GRIN2A: variants seen among roughly 807,000 people sequenced by gnomAD.
GRIN2A encodes glutamate receptor ionotropic, NMDA 2A.
Under a neutral mutation model 113.4 loss-of-function variants are expected in GRIN2A, and 22 were observed. The ratio of observed to expected loss-of-function variants is 0.19; its 90% confidence interval spans 0.14 to 0.28. The LOEUF is 0.28. Ranked by LOEUF, GRIN2A falls within the 10% of genes least tolerant of loss-of-function variation. The pLI, the probability that GRIN2A is intolerant of heterozygous loss-of-function variation, is 1.00. For missense variants in GRIN2A, 1,502 were observed against 1,887.0 expected (o/e 0.80, Z 3.78); for synonymous variants, 827 against 738.4 (o/e 1.12, Z -1.94).
At chr16:10,040,535 T>A (rs542030131) in intron 2 of GRIN2A, among the ~76,000 whole-genome samples, 1 of 149,690 alleles carries the variant, frequency 6.7e-6, no homozygotes, top group East Asian at 2.0e-4. Context: ...CACCACATAA[T>A]GCTGCACACT....
intron 4 of GRIN2A, among the ~76,000 whole-genome samples, chr16:9,862,719 G>A (rs888066454): frequency 2.0e-5 from 3 of 152,148 alleles, no homozygotes. Flanking sequence ...TAGCTAAAAA[G>A]TTAATAGTGT....
At chr16:9,899,671 G>A (rs2043879861) in intron 3 of GRIN2A, among the ~76,000 whole-genome samples, 1 of 151,874 alleles carries the variant, frequency 6.6e-6, no homozygotes, top group East Asian at 1.9e-4. Context: ...AAGATTTTAG[G>A]ACACAAAATA....
Position 9,798,474 on chromosome 16 carries a change from C to G in GRIN2A, c.2169-10G>C. The G allele has an allele frequency of 6.2e-7, 1 of 1,613,694 alleles. No individual in the cohort carries two copies. Among genetic ancestry groups the G allele is most frequent in the Non-Finnish European group, 8.5e-7 (1 of 1,179,642 alleles). ...GAAAGCGTCCAGCTTCCTGAAATGACAAGAAACCAGGGGGTCATAGGGGTG... is the reference window on the plus strand; with the variant it reads ...GAAAGCGTCCAGCTTCCTGAAATGAGAAGAAACCAGGGGGTCATAGGGGTG... On this transcript the variant is annotated splice_polypyrimidine_tract_variant and intron_variant, in intron 10 of 12. Coordinates refer to ENST00000330684, the MANE Select transcript of GRIN2A (RefSeq NM_001134407.3).
chr16:10,072,476 C>G (rs555882292), intron 2 of GRIN2A, among the ~76,000 whole-genome samples: 1 of 152,176 alleles, frequency 6.6e-6, no homozygotes. Context: ...AAGCTGGGGT[C>G]CCATGCCCTG....
intron 2 of GRIN2A, among the ~76,000 whole-genome samples, chr16:9,992,994 T>A (rs907400088): frequency 6.6e-6 from 1 of 151,920 alleles, no homozygotes; most frequent in African/African-American, 2.4e-5. Context: ...GGTGGATGGA[T>A]CACTTGAGGT....
chr16:10,103,111 C>G (rs117461303), intron 2 of GRIN2A, among the ~76,000 whole-genome samples: 7 of 152,278 alleles, frequency 4.6e-5, no homozygotes, highest in Admixed American at 2.6e-4. Flanking sequence ...TAATAGGAGA[C>G]CCACTCGCAA....
At chr16:9,848,215 C>CATGT (rs1490710058) in intron 5 of GRIN2A, among the ~76,000 whole-genome samples, 3 of 149,332 alleles carry the variant, frequency 2.0e-5, no homozygotes, top group Non-Finnish European at 4.4e-5. Flanking sequence ...TTTCTATTTT[C>CATGT]ATTTATTTAT....
chr16:9,903,214 C>A (rs1159086863), intron 3 of GRIN2A, among the ~76,000 whole-genome samples: 1 of 152,018 alleles, frequency 6.6e-6, no homozygotes, highest in Non-Finnish European at 1.5e-5. Flanking sequence ...CATGATCCGC[C>A]ACCTCGGCCT....
intron 7 of GRIN2A, among the ~76,000 whole-genome samples, chr16:9,839,866 G>C (rs545973544): frequency 1.3e-5 from 2 of 152,240 alleles, no homozygotes; most frequent in East Asian, 1.9e-4. Flanking sequence ...GGATGTATTA[G>C]TCTACTCTCA....
Position 10,035,384 on chromosome 16 carries a change from C to T in GRIN2A, c.415-96833G>A, listed in dbSNP as rs139794574. Among the ~76,000 whole-genome samples the T allele has an allele frequency of 1.5e-3, 230 of 152,234 alleles. 3 individuals are homozygous for T. The highest frequency in any genetic ancestry group is 5.4e-3 in the African/African-American group (224 of 41,550). On this transcript the variant is annotated intron_variant, in intron 2 of 12. Transcript: ENST00000330684. The stretch of plus-strand genomic sequence containing the variant: ...TTTCTCTCACCCTCCTCTCCATATA[C>T]CCTCCAAACTGTACTGCTCCTCTGA...
At chr16:10,096,886 G>A (rs2048304600) in intron 2 of GRIN2A, among the ~76,000 whole-genome samples, 2 of 152,138 alleles carry the variant, frequency 1.3e-5, no homozygotes, top group Non-Finnish European at 2.9e-5. Context: ...CTGCCCAGGA[G>A]ACTAAGAACC....
intron 2 of GRIN2A, among the ~76,000 whole-genome samples, chr16:10,016,711 C>T (rs1401101652): frequency 2.0e-5 from 3 of 152,200 alleles, no homozygotes; most frequent in Admixed American, 2.0e-4. Context: ...TCATGCACTG[C>T]TTCTCCACAT....
intron 2 of GRIN2A, among the ~76,000 whole-genome samples, chr16:9,995,141 G>C (rs1413160897): frequency 1.3e-5 from 2 of 152,134 alleles, no homozygotes; most frequent in Non-Finnish European, 2.9e-5. Context: ...CTGCAAGAGA[G>C]AATGGTTAGA....
At chr16:9,972,806 T>C (rs576988640) in intron 2 of GRIN2A, among the ~76,000 whole-genome samples, 44 of 152,304 alleles carry the variant, frequency 2.9e-4, no homozygotes, top group African/African-American at 1.0e-3. Context: ...CAGAGCCGAT[T>C]TATCAAGACA....
chr16:10,134,635 A>T (rs569669602), intron 2 of GRIN2A, among the ~76,000 whole-genome samples: 11 of 152,214 alleles, frequency 7.2e-5, no homozygotes, highest in African/African-American at 2.4e-4. Context: ...ATAATAATAA[A>T]AAAAAAATTT....
At chr16:9,834,957 C>A (rs2042562020) in intron 7 of GRIN2A, among the ~76,000 whole-genome samples, 1 of 152,088 alleles carries the variant, frequency 6.6e-6, no homozygotes, top group African/African-American at 2.4e-5. Context: ...CCATAGGCTC[C>A]TGCAAATTGT....
chr16:9,993,080 A>G (rs943322980), intron 2 of GRIN2A, among the ~76,000 whole-genome samples: 1 of 151,752 alleles, frequency 6.6e-6, no homozygotes, highest in Non-Finnish European at 1.5e-5. Context: ...ACCCCAAAAA[A>G]TTAGCCAGGT....
At chr16:10,140,216 A>AT (rs940083329) in intron 2 of GRIN2A, among the ~76,000 whole-genome samples, 20 of 152,142 alleles carry the variant, frequency 1.3e-4, no homozygotes, top group African/African-American at 4.3e-4. Context: ...CTGTTAATTC[A>AT]TTTTTTTAAA....
chr16:9,902,429 G>A (rs529960696), intron 3 of GRIN2A, among the ~76,000 whole-genome samples: 14 of 152,342 alleles, frequency 9.2e-5, no homozygotes, highest in African/African-American at 3.1e-4. Context: ...GGTAGAAGGA[G>A]CCTGGGTCCC....
Sources: gnomAD v4.1 joint callset for allele counts (sites outside exome capture counted in the v4.1 genomes callset) on GRCh38, gnomAD v4.1.1 for gene constraint, MANE v1.5 for transcripts, NCBI Gene and HGNC (gene_info 2026-07-23, HGNC 2026-07-21) for gene names.